PSTPIP1: variants seen among roughly 807,000 people sequenced by gnomAD.
PSTPIP1 encodes the protein proline-serine-threonine phosphatase-interacting protein 1.
In PSTPIP1, 66 loss-of-function variants were observed where a neutral mutation model predicts 69.6. The observed-to-expected ratio is 0.95, with a 90% CI of 0.78 to 1.16. The LOEUF (loss-of-function observed/expected upper bound fraction) is 1.16. PSTPIP1 is among the 50% of genes most tolerant of loss of function. The pLI, the probability that PSTPIP1 is intolerant of heterozygous loss-of-function variation, is 0.00. For synonymous variants in PSTPIP1, 266 were observed against 222.7 expected (o/e 1.19, Z -1.73); for missense variants, 603 against 557.4 (o/e 1.08, Z -0.82).
intron 8 of PSTPIP1, among the ~76,000 whole-genome samples, 160 bp from the exon 9 acceptor site, chr15:77,030,342 C>T (rs1206746269): frequency 1.3e-5 from 2 of 152,218 alleles, no homozygotes; most frequent in Non-Finnish European, 1.5e-5. Context: ...CGTGGGTGGC[C>T]CTGACGGGCA....
rs751553131 is a variant in PSTPIP1, at chr15:76,995,649, G to A, written c.36+40G>A. On this transcript the variant is annotated intron_variant, in intron 1 of 14. Transcript: ENST00000558012. ...TTGGGGGCACTGAACAAGTGGAGGG[G>A]GCAGAGCTAGGCTGAAATCTCCATG... 12 of 1,612,274 alleles carry A rather than the reference G, an allele frequency of 7.4e-6. No individual in the cohort carries two copies. The Admixed American group carries it at 2.0e-4, about 27-fold the overall frequency.
intron 10 of PSTPIP1, 89 bp from the exon 11 acceptor site, chr15:77,032,209 C>A: frequency 7.4e-7 from 1 of 1,343,078 alleles, no homozygotes; most frequent in Non-Finnish European, 1.0e-6. Context: ...TGTGAGGAGG[C>A]CGGTGGGTGG....
intron 7 of PSTPIP1, among the ~76,000 whole-genome samples, chr15:77,029,031 G>A (rs2076353143): frequency 6.6e-6 from 1 of 152,250 alleles, no homozygotes; most frequent in African/African-American, 2.4e-5. Flanking sequence ...AGGTCTCAGA[G>A]CCAGGAAGCA....
Position 77,030,514 on chromosome 15 carries a change from G to A in PSTPIP1, c.575G>A (p.Arg192Lys), listed in dbSNP as rs760587319. The A allele has an allele frequency of 1.6e-5, 26 of 1,612,462 alleles. No individual in the cohort carries two copies. The highest frequency in any genetic ancestry group is 1.6e-4 in the Middle Eastern group (1 of 6,082). Residue 192 changes from arginine (R) to lysine (K), a missense_variant, in exon 9 of 15, where the codon AGG becomes AAG. Arg to Lys is a conservative substitution (Grantham distance 26). Coordinates refer to ENST00000558012, the MANE Select transcript of PSTPIP1 (RefSeq NM_003978.5). ...DSATEAERVY[R>K]QSIAQLEKVR... is the part of the protein sequence containing the mutation. ...CCTGCGCTTTCAGAGCGGGTATACA[G>A]GCAGAGCATTGCGCAGCTGGAGAAG...
At position 77,027,128 on chromosome 15, in the gene PSTPIP1, G is replaced by C. The variant is rs550724823; in HGVS notation, c.355-724G>C. On this transcript the variant is annotated intron_variant, in intron 5 of 14. Coordinates refer to ENST00000558012, the MANE Select transcript of PSTPIP1 (RefSeq NM_003978.5). The surrounding 1 kb of genome is among the most constrained non-coding windows in gnomAD (Gnocchi z 4.3). ...CTTGGGTGTTTTGTGCTGTGTGTGT[G>C]TGAGTGCCTGTGCCTCGCTGGTCTC... Among the ~76,000 whole-genome samples the C allele has an allele frequency of 2.3e-4, 35 of 152,362 alleles. 2 individuals carry two copies. In the South Asian group the frequency reaches 6.6e-3, roughly 29 times the overall value.
chr15:77,027,534 G>A lies in PSTPIP1; in HGVS notation c.355-318G>A, dbSNP rs1474972987. Among the ~76,000 whole-genome samples, 1 of 152,226 alleles carries A rather than the reference G, an allele frequency of 6.6e-6. No homozygotes were observed. Among genetic ancestry groups the A allele is most frequent in the Non-Finnish European group, 1.5e-5 (1 of 68,038 alleles). ...ACACGTGTGAGCGACTGTGATGCCT[G>A]CAGAGGCTCAGGGATGCAGGATGAA... On this transcript the variant is annotated intron_variant, in intron 5 of 14. Coordinates refer to ENST00000558012, the MANE Select transcript of PSTPIP1 (RefSeq NM_003978.5). The surrounding 1 kb of genome is among the most constrained non-coding windows in gnomAD (Gnocchi z 4.3).
chr15:77,007,133 G>C (rs530567099), intron 1 of PSTPIP1, among the ~76,000 whole-genome samples: 7 of 152,244 alleles, frequency 4.6e-5, no homozygotes, highest in African/African-American at 1.4e-4. Flanking sequence ...CTGCCTTACA[G>C]CTCCCCAAGA....
In PSTPIP1 at chr15:76,995,355, T is replaced by C; in HGVS notation, c.-219T>C. 1 of 1,429,196 alleles carries C rather than the reference T, an allele frequency of 7.0e-7. No individual in the cohort carries two copies. Among genetic ancestry groups the C allele is most frequent in the Non-Finnish European group, 9.1e-7 (1 of 1,095,110 alleles). 88.5% of individuals were successfully genotyped at this position (1,429,196 alleles called of 1,614,324 possible). ...GAGCTCCACTCCTTCCTCATTTTGC[T>C]GCTGATTCTAGCCCCAAACAAAACA... On this transcript the variant is annotated 5_prime_UTR_variant, in exon 1 of 15. Transcript: ENST00000558012.
intron 10 of PSTPIP1, among the ~76,000 whole-genome samples, chr15:77,031,957 G>A (rs952815706): frequency 6.6e-6 from 1 of 152,134 alleles, no homozygotes; most frequent in African/African-American, 2.4e-5. Flanking sequence ...GCGAGCTCTG[G>A]ACCCACTCTC....
In PSTPIP1 at chr15:77,036,083, CGAGT is replaced by C. The variant is rs984407460; in HGVS notation, c.1119+150_1119+153del. On this transcript the variant is annotated intron_variant, in intron 14 of 14. Coordinates refer to ENST00000558012, the MANE Select transcript of PSTPIP1 (RefSeq NM_003978.5). ...TCCTCCTCAGGAGGGCACGTGTGCC[CGAGT>C]GTGTCCACACTAGCAAGGGTACCTG... 58 of 1,110,734 alleles carry C rather than the reference CGAGT, an allele frequency of 5.2e-5. No homozygotes were observed. The African/African-American group carries it at 9.0e-4, about 17-fold the overall frequency. 68.8% of individuals were successfully genotyped at this position (1,110,734 alleles called of 1,614,324 possible).
Position 77,037,099 on chromosome 15 carries a change from G to C in PSTPIP1, c.1174G>C (p.Gly392Arg). ...AGACATCCTGGAGGTGATCCTGGAA[G>C]GGGAGGATGGCTGGTGGACTGTGGA... ...AGDILEVILE[G>R]EDGWWTVERN... Residue 392 changes from glycine (G) to arginine (R), a missense_variant, in exon 15 of 15, where the codon GGG becomes CGG. Physicochemically the swap from Gly to Arg is moderately radical, Grantham distance 125. Transcript: ENST00000558012. The C allele has an allele frequency of 6.2e-7, 1 of 1,612,424 alleles. No homozygotes were observed.
intron 12 of PSTPIP1, among the ~76,000 whole-genome samples, chr15:77,035,098 C>T (rs551810833): frequency 1.3e-5 from 2 of 152,350 alleles, no homozygotes; most frequent in East Asian, 3.9e-4. Context: ...GCTGCTAGGG[C>T]AAGCTAGAGC....
rs1174149806 is a variant in PSTPIP1 at position 77,018,128 on chromosome 15, CCTT to C, written c.37-17_37-15del. 8 of 1,561,302 alleles carry C rather than the reference CCTT, an allele frequency of 5.1e-6. No homozygotes were observed. Among genetic ancestry groups the C allele is most frequent in the South Asian group, 4.7e-5 (4 of 84,554 alleles). ...TCGCCTGGTCGTGGCCCTCATGTGTCCTTCTGTCCTGTGTCACAGTGCAGGGAC... is the reference window on the plus strand; with the variant it reads ...TCGCCTGGTCGTGGCCCTCATGTGTCCTGTCCTGTGTCACAGTGCAGGGAC... On this transcript the variant is annotated splice_polypyrimidine_tract_variant and intron_variant, in intron 1 of 14. Transcript: ENST00000558012.
In PSTPIP1 at chr15:77,025,617, C is replaced by T. The variant is rs1207783811; in HGVS notation, c.354+13C>T. On this transcript the variant is annotated intron_variant, in intron 5 of 14. Transcript: ENST00000558012. ...GCAGAGGAAGAAGGTGAGGCAGGTG[C>T]AGGGGGCGGGGGAGCTGCTCCCCCA... is the stretch of plus-strand genomic sequence containing the variant. 6.5e-7 allele frequency: 1 copy of T among 1,536,926 alleles called. No individual in the cohort carries two copies. The highest frequency in any genetic ancestry group is 8.8e-7 in the Non-Finnish European group (1 of 1,136,150).
In PSTPIP1 at chr15:77,006,147, A is replaced by T. The variant is rs542615022; in HGVS notation, c.36+10538A>T. Among the ~76,000 whole-genome samples the T allele has an allele frequency of 8.6e-5, 13 of 151,540 alleles. No homozygotes were observed. The South Asian group carries it at 1.7e-3, about 19-fold the overall frequency. Reference sequence around the variant, plus strand: ...TCTTGTTAATTTCTGTTTTTTTTTTAAATCATAGCCACCTTAGGAGGCATG... The same window carrying T: ...TCTTGTTAATTTCTGTTTTTTTTTTTAATCATAGCCACCTTAGGAGGCATG... On this transcript the variant is annotated intron_variant, in intron 1 of 14. Transcript: ENST00000558012.
intron 9 of PSTPIP1, 95 bp downstream of exon 9, chr15:77,030,676 T>C (rs1015281897): frequency 2.8e-5 from 34 of 1,212,880 alleles, no homozygotes; most frequent in Non-Finnish European, 3.4e-5. Context: ...AGTGAGGCAG[T>C]TGGGGAAGGT....
chr15:77,000,476 T>C (rs201587396), intron 1 of PSTPIP1, among the ~76,000 whole-genome samples: 13,216 of 146,758 alleles, frequency 0.09, 711 homozygotes, highest in Middle Eastern at 0.13. Context: ...TATATATATA[T>C]ACACACACAC....
chr15:77,019,182 G>T (rs1272597198), intron 3 of PSTPIP1, among the ~76,000 whole-genome samples: 2 of 152,238 alleles, frequency 1.3e-5, no homozygotes, highest in Admixed American at 6.5e-5. Flanking sequence ...TGGGGTGGGA[G>T]GCCAGGTGAG....
At chr15:77,036,020 A>C (rs2076563276) in intron 14 of PSTPIP1, 85 bp downstream of exon 14, 6 of 1,436,678 alleles carry the variant, frequency 4.2e-6, no homozygotes, top group South Asian at 2.8e-5. Flanking sequence ...TTGCGTCCTC[A>C]TCTCTCCTCA....
Sources: allele counts gnomAD v4.1 joint callset (sites outside exome capture counted in the v4.1 genomes callset), GRCh38; gene constraint gnomAD v4.1.1; non-coding constraint Gnocchi (gnomAD v3.1); transcripts MANE v1.5; gene names NCBI Gene and HGNC (gene_info 2026-07-23, HGNC 2026-07-21).